Variants in GAN observed in about 807,000 individuals in gnomAD.
The protein encoded by GAN is gigaxonin, also known as epididymis secretory sperm binding protein.
GAN carries 48 observed loss-of-function variants against 71.3 expected under a neutral mutation model. The ratio of observed to expected loss-of-function variants is 0.67; its 90% CI spans 0.53 to 0.86. The LOEUF (loss-of-function observed/expected upper bound fraction) is 0.86, where lower values mean the gene tolerates loss of function less well. Ranked by LOEUF, GAN falls within the 40% of genes least tolerant of loss-of-function variation. The pLI, the probability that GAN is intolerant of heterozygous loss-of-function variation, is 0.00. For missense variants in GAN, 928 were observed against 770.1 expected (o/e 1.21, Z -2.43); for synonymous variants, 386 against 276.8 (o/e 1.39, Z -3.92).
intron 5 of GAN, among the ~76,000 whole-genome samples, chr16:81,359,278 T>C (rs1287955933): frequency 6.6e-6 from 1 of 152,168 alleles, no homozygotes; most frequent in Non-Finnish European, 1.5e-5. Flanking sequence ...TGACTAATAT[T>C]TGAAAGTTTG....
chr16:81,344,707 C>T (rs1297524042), intron 1 of GAN, among the ~76,000 whole-genome samples: 1 of 151,970 alleles, frequency 6.6e-6, no homozygotes, highest in African/African-American at 2.4e-5. Context: ...TGGGCAAAGA[C>T]CATGTCTAAA....
chr16:81,325,529 A>G (rs986981789), intron 1 of GAN, among the ~76,000 whole-genome samples: 9 of 152,228 alleles, frequency 5.9e-5, no homozygotes, highest in Admixed American at 5.9e-4. Context: ...GCTAATCATT[A>G]AAGACTAGTA....
intron 1 of GAN, among the ~76,000 whole-genome samples, chr16:81,324,682 T>C (rs1909324174): frequency 6.6e-6 from 1 of 152,066 alleles, no homozygotes; most frequent in South Asian, 2.1e-4. Context: ...GGGGAGGTGA[T>C]AGGATATGAG....
intron 9 of GAN, among the ~76,000 whole-genome samples, chr16:81,367,711 A>G (rs542395944): frequency 6.6e-6 from 1 of 152,346 alleles, no homozygotes; most frequent in South Asian, 2.1e-4. Context: ...TTAATCTTCA[A>G]AACAGCACTC....
At chr16:81,333,407 C>G (rs1206054906) in intron 1 of GAN, among the ~76,000 whole-genome samples, 2 of 152,256 alleles carry the variant, frequency 1.3e-5, no homozygotes, top group East Asian at 1.9e-4. Flanking sequence ...CCGGTCCATC[C>G]TTCTGTATTT....
At chr16:81,373,007 G>A (rs888377636) in intron 9 of GAN, among the ~76,000 whole-genome samples, 3 of 152,170 alleles carry the variant, frequency 2.0e-5, no homozygotes, top group Non-Finnish European at 4.4e-5. Flanking sequence ...GTAGATGAAC[G>A]GCTTTAGAAA....
In GAN at chr16:81,377,207, C is replaced by G. The variant is rs746158438; in HGVS notation, c.1503-12C>G. On this transcript the variant is annotated splice_polypyrimidine_tract_variant and intron_variant, in intron 9 of 10. Transcript: ENST00000648994. ...TGATTTCCTTAATTTTGTGCATGGG[C>G]TTTGTTTTCAGGTGGATCTATCTTA... 1 of 1,491,270 alleles carries G rather than the reference C, an allele frequency of 6.7e-7. No individual in the cohort carries two copies. Among genetic ancestry groups the G allele is most frequent in the Non-Finnish European group, 9.4e-7 (1 of 1,067,798 alleles). 92.4% of individuals were successfully genotyped at this position (1,491,270 alleles called of 1,614,324 possible).
At chr16:81,351,379 G>C (rs545617958) in intron 1 of GAN, among the ~76,000 whole-genome samples, 11 of 152,274 alleles carry the variant, frequency 7.2e-5, no homozygotes, top group African/African-American at 2.6e-4. Flanking sequence ...TGTTTTTTAA[G>C]AAGTAGCATT....
intron 1 of GAN, among the ~76,000 whole-genome samples, chr16:81,340,342 G>A (rs941881310): frequency 1.3e-5 from 2 of 152,118 alleles, no homozygotes; most frequent in African/African-American, 4.8e-5. Context: ...ACATGAGTCA[G>A]AAATAAAAAT....
intron 9 of GAN, among the ~76,000 whole-genome samples, chr16:81,366,382 T>C (rs983158535): frequency 2.5e-4 from 38 of 152,234 alleles, no homozygotes; most frequent in Non-Finnish European, 2.1e-4. Flanking sequence ...GTAGATAACA[T>C]CCTTCTCGAT....
chr16:81,348,693 A>G (rs1032742317), intron 1 of GAN, among the ~76,000 whole-genome samples: 1 of 152,222 alleles, frequency 6.6e-6, no homozygotes, highest in African/African-American at 2.4e-5. Context: ...TTAGAAGTAC[A>G]GCTTCAAAAT....
In GAN at chr16:81,362,570, C is replaced by A; in HGVS notation, c.1045C>A (p.Pro349Thr). The A allele has an allele frequency of 6.2e-7, 1 of 1,606,596 alleles. No individual in the cohort carries two copies. The highest frequency in any genetic ancestry group is 8.5e-7 in the Non-Finnish European group (1 of 1,173,104). ...TCTTAGCTCAGGAGAAAAGTATGAT[C>A]CAGATGCAAATACATGGACAGCATT... Reference protein sequence around the residue: ...QTLSSGEKYDPDANTWTALPP... With the variant: ...QTLSSGEKYDTDANTWTALPP... The change falls in exon 6 of 11, where the codon CCA (proline) becomes ACA (threonine). Residue 349 changes from proline to threonine, a missense_variant. Transcript: ENST00000648994.
At chr16:81,332,369 T>C (rs11641053) in intron 1 of GAN, among the ~76,000 whole-genome samples, 51,930 of 151,944 alleles carry the variant, frequency 0.34, 9,942 homozygotes, top group East Asian at 0.72. Context: ...GCAGGAGCTA[T>C]GTGCCCTAAG....
chr16:81,369,817 G>A (rs774382803), intron 9 of GAN, among the ~76,000 whole-genome samples: 4 of 152,142 alleles, frequency 2.6e-5, no homozygotes, highest in South Asian at 4.1e-4. Flanking sequence ...TGATCTGCCC[G>A]CCTCGGCCTC....
chr16:81,360,916 C>G (rs780307804), intron 5 of GAN, among the ~76,000 whole-genome samples: 4 of 152,112 alleles, frequency 2.6e-5, no homozygotes, highest in Non-Finnish European at 5.9e-5. Context: ...CTGCATGCTG[C>G]TCATTTATTA....
At chr16:81,329,085 C>G (rs918214474) in intron 1 of GAN, among the ~76,000 whole-genome samples, 1 of 152,160 alleles carries the variant, frequency 6.6e-6, no homozygotes, top group Non-Finnish European at 1.5e-5. Context: ...TGCCAATCTT[C>G]TGTAGAGCAA....
chr16:81,315,387 C>A (rs1035245954), intron 1 of GAN, 107 bp downstream of exon 1: 1 of 747,406 alleles, frequency 1.3e-6, no homozygotes, highest in African/African-American at 1.9e-5. Context: ...TCCCCGGCGC[C>A]GGGGTCCCCG....
chr16:81,332,940 G>C (rs1909633958), intron 1 of GAN, among the ~76,000 whole-genome samples: 1 of 152,042 alleles, frequency 6.6e-6, no homozygotes, highest in Non-Finnish European at 1.5e-5. Flanking sequence ...TTATTTAAGA[G>C]GTATCCACTA....
chr16:81,345,825 A>G (rs985265043), intron 1 of GAN, among the ~76,000 whole-genome samples: 1 of 152,216 alleles, frequency 6.6e-6, no homozygotes, highest in Admixed American at 6.5e-5. Flanking sequence ...TGCAAGACGC[A>G]TGCAAGTTTT....
Sources: allele counts gnomAD v4.1 joint callset (sites outside exome capture counted in the v4.1 genomes callset), GRCh38; gene constraint gnomAD v4.1.1; transcripts MANE v1.5; gene names NCBI Gene and HGNC (gene_info 2026-07-23, HGNC 2026-07-21).